PCDHGB1: variants seen among roughly 807,000 people sequenced by gnomAD.
PCDHGB1 encodes the protein protocadherin gamma subfamily B, 1, also known as protocadherin gamma-B1.
In PCDHGB1, 34 loss-of-function variants were observed where a neutral mutation model predicts 56.6. The ratio of observed to expected loss-of-function variants is 0.60; its 90% CI spans 0.46 to 0.80. The LOEUF is 0.80. Ranked by LOEUF, PCDHGB1 falls within the 30% of genes least tolerant of loss-of-function variation. PCDHGB1 has a pLI of 0.00. For missense variants in PCDHGB1, 1,278 were observed against 1,204.6 expected, an observed-to-expected ratio of 1.06 and a Z score of -0.90; for synonymous variants, 561 against 505.9, an observed-to-expected ratio of 1.11 and a Z score of -1.46.
chr5:141,355,191 C>A (rs746909575), intron 1 of PCDHGB1: 2 of 1,591,882 alleles, frequency 1.3e-6, no homozygotes, highest in East Asian at 2.2e-5. Context: ...GACTCCGCGG[C>A]GGGGTTGTAA....
At chr5:141,359,184 A>G (rs984361928) in intron 1 of PCDHGB1, among the ~76,000 whole-genome samples, 1 of 152,202 alleles carries the variant, frequency 6.6e-6, no homozygotes, top group Non-Finnish European at 1.5e-5. Flanking sequence ...AGCAGAAAGC[A>G]GAAATAACAA....
At chr5:141,418,337 C>G (rs1308299122) in intron 1 of PCDHGB1, 1 of 1,613,972 alleles carries the variant, frequency 6.2e-7, no homozygotes, top group East Asian at 2.2e-5. Context: ...TGCAGAAGAT[C>G]CTGATATTAG....
chr5:141,409,143 G>C (rs778597273), intron 1 of PCDHGB1: 2 of 1,613,986 alleles, frequency 1.2e-6, no homozygotes, highest in Admixed American at 3.3e-5. Context: ...GATGTAGAAA[G>C]GTACACCATG....
chr5:141,357,026 T>A (rs1209829299), intron 1 of PCDHGB1: 1 of 1,613,970 alleles, frequency 6.2e-7, no homozygotes, highest in Non-Finnish European at 8.5e-7. Flanking sequence ...TACAGCCTAC[T>A]CAAGTCCAGC....
At chr5:141,423,644 A>G in intron 1 of PCDHGB1, 1 of 1,592,866 alleles carries the variant, frequency 6.3e-7, no homozygotes, top group South Asian at 1.1e-5. Context: ...GGCAAATGTG[A>G]CCCGACAAGT....
chr5:141,422,746 T>G (rs763386007), intron 1 of PCDHGB1: 1 of 1,611,014 alleles, frequency 6.2e-7, no homozygotes, highest in Non-Finnish European at 8.5e-7. Context: ...CTCCTATGTC[T>G]CTATTAACTC....
At chr5:141,388,295 C>T (rs766909730) in intron 1 of PCDHGB1, 3 of 1,613,442 alleles carry the variant, frequency 1.9e-6, no homozygotes, top group East Asian at 2.2e-5. Flanking sequence ...CGCAAAATTC[C>T]TTTGAGCTGC....
At chr5:141,481,191 C>A (rs1244434918) in intron 1 of PCDHGB1, among the ~76,000 whole-genome samples, 1 of 152,148 alleles carries the variant, frequency 6.6e-6, no homozygotes, top group Non-Finnish European at 1.5e-5. Context: ...GGGCCAGGCC[C>A]AATTTTTTTA....
intron 1 of PCDHGB1, chr5:141,365,466 A>C: frequency 6.2e-7 from 1 of 1,614,016 alleles, no homozygotes; most frequent in African/African-American, 1.3e-5. Flanking sequence ...TCTGGAGAAA[A>C]TGGTGAGATT....
chr5:141,398,197 T>G lies in PCDHGB1; in HGVS notation c.2409+45528T>G, dbSNP rs1317220760. On this transcript the variant is annotated intron_variant, in intron 1 of 3. Transcript: ENST00000523390. Reference sequence around the variant, plus strand: ...AGTGCTCTTTCTCTTCCTGCTGTCTTTGTTCTGCCCGGCGCTCTGTGAGCA... The same window carrying G: ...AGTGCTCTTTCTCTTCCTGCTGTCTGTGTTCTGCCCGGCGCTCTGTGAGCA... 2.7e-6 allele frequency: 4 copies of G among 1,492,294 alleles called. No homozygotes were observed. The African/African-American group carries it at 4.2e-5, about 16-fold the overall frequency. The allele number at this position is 1,492,294 out of a possible 1,614,324, so 92.4% of individuals were successfully genotyped here.
At position 141,404,863 on chromosome 5, in the gene PCDHGB1, G is replaced by A. The variant is rs370856862; in HGVS notation, c.2409+52194G>A. 507 of 1,613,746 alleles carry A rather than the reference G, an allele frequency of 3.1e-4. 2 individuals are homozygous for A. The highest frequency in any genetic ancestry group is 3.8e-4 in the Non-Finnish European group (451 of 1,179,902). On this transcript the variant is annotated intron_variant, in intron 1 of 3. Coordinates refer to ENST00000523390, the MANE Select transcript of PCDHGB1 (RefSeq NM_018922.3). ...CTCGGGCCCTGCTAGATAGAGATGC[G>A]CTCAAACAGAGCCTTGTGGTGGCTG...
chr5:141,355,192 G>T, intron 1 of PCDHGB1: 1 of 1,592,970 alleles, frequency 6.3e-7, no homozygotes, highest in South Asian at 1.1e-5. Context: ...ACTCCGCGGC[G>T]GGGTTGTAAT....
In PCDHGB1 at chr5:141,485,770, T is replaced by A. The variant is rs1199757869; in HGVS notation, c.2410-9037T>A. The A allele has an allele frequency of 6.2e-7, 1 of 1,614,180 alleles. No homozygotes were observed. The highest frequency in any genetic ancestry group is 1.1e-5 in the South Asian group (1 of 91,080). On this transcript the variant is annotated intron_variant, in intron 1 of 3. Transcript: ENST00000523390. This position sits in a 1 kb window ranked among gnomAD's most constrained non-coding sequence, Gnocchi z 5.7. ...TCCCAGAGCTGCTCCTGGAGAAGCC[T>A]TTGGATCGAGAGAAGCAATCGGACT... is the stretch of plus-strand genomic sequence containing the variant.
At chr5:141,414,699 C>T (rs2095778847) in intron 1 of PCDHGB1, 2 of 1,613,952 alleles carry the variant, frequency 1.2e-6, no homozygotes, top group Non-Finnish European at 1.7e-6. Context: ...TGTCCTCATA[C>T]ATATCCATCA....
At position 141,420,290 on chromosome 5, in the gene PCDHGB1, T is replaced by C. The variant is rs563124810; in HGVS notation, c.2409+67621T>C. 1.3e-5 allele frequency: 19 copies of C among 1,496,908 alleles called. No individual in the cohort carries two copies. The East Asian group carries it at 3.9e-4, about 30-fold the overall frequency. 92.7% of individuals were successfully genotyped at this position (1,496,908 alleles called of 1,614,324 possible). A position where few individuals can be genotyped will look rare whatever the true frequency, so the allele number is the denominator to read the frequency against. ...TCTTAAACAGGTAAGTATTTAAAAA[T>C]GTATTTAATCCTTTTTATATTACAA... On this transcript the variant is annotated intron_variant, in intron 1 of 3. Transcript: ENST00000523390.
intron 1 of PCDHGB1, chr5:141,399,946 GC>G: frequency 6.2e-7 from 1 of 1,612,270 alleles, no homozygotes. Context: ...CGTGCTGCAG[GC>G]TAGCGAGCCC....
chr5:141,422,478 G>C, intron 1 of PCDHGB1: 1 of 1,613,914 alleles, frequency 6.2e-7, no homozygotes, highest in Non-Finnish European at 8.5e-7. Flanking sequence ...AGTTGGTCCA[G>C]AGCTACAATA....
At chr5:141,499,689 C>CTTT (rs545067566) in intron 2 of PCDHGB1, among the ~76,000 whole-genome samples, 57 of 119,830 alleles carry the variant, frequency 4.8e-4, no homozygotes, top group Non-Finnish European at 6.2e-4. Context: ...TAACAGATGA[C>CTTT]TTTTTTTTTT....
chr5:141,354,886 C>G (rs1759661341), intron 1 of PCDHGB1: 1 of 380,350 alleles, frequency 2.6e-6, no homozygotes, highest in Non-Finnish European at 4.6e-6. Flanking sequence ...ACTTTATTAT[C>G]TTGGGAGAAA....
Sources: gnomAD v4.1 joint callset for allele counts (sites outside exome capture counted in the v4.1 genomes callset) on GRCh38, gnomAD v4.1.1 for gene constraint, Gnocchi (gnomAD v3.1) non-coding constraint, MANE v1.5 for transcripts, NCBI Gene and HGNC (gene_info 2026-07-23, HGNC 2026-07-21) for gene names.